OGFOD3: variants seen among roughly 807,000 people sequenced by gnomAD.
OGFOD3 encodes 2-oxoglutarate and iron dependent oxygenase domain containing 3.
OGFOD3 carries 35 observed loss-of-function variants against 39.8 expected under a neutral mutation model. That is an observed-to-expected ratio of 0.88 (90% confidence interval 0.67 to 1.17). OGFOD3 has a LOEUF of 1.17. OGFOD3 is among the 50% of genes most tolerant of loss of function. The pLI, the probability that OGFOD3 is intolerant of heterozygous loss-of-function variation, is 0.00. For synonymous variants in OGFOD3, 200 were observed against 192.0 expected, an observed-to-expected ratio of 1.04 and a Z score of -0.34; for missense variants, 438 against 454.5, an observed-to-expected ratio of 0.96 and a Z score of 0.33.
At chr17:82,410,879 C>T (rs866674428) in intron 3 of OGFOD3, among the ~76,000 whole-genome samples, 5 of 151,206 alleles carry the variant, frequency 3.3e-5, no homozygotes, top group Admixed American at 2.6e-4. Context: ...CCATCACACT[C>T]GGCTAATTTT....
In OGFOD3 at chr17:82,398,315, G is replaced by C. The variant is rs1399820894; in HGVS notation, c.704C>G (p.Thr235Ser). The change falls in exon 8 of 9, where the codon ACC (threonine) becomes AGC (serine). Residue 235 changes from threonine to serine, a missense_variant. By Grantham distance (58) the Thr-to-Ser change is moderately conservative (BLOSUM62 1). Coordinates refer to ENST00000313056, the MANE Select transcript of OGFOD3 (RefSeq NM_024648.3). Reference sequence around the variant, plus strand: ...CGAGGTGTAGTCGAAGGAGCCGTAGGTCACCTGAGGGCAGAGCCGGGAGGA... The same window carrying C: ...CGAGGTGTAGTCGAAGGAGCCGTAGCTCACCTGAGGGCAGAGCCGGGAGGA... ...EYWHAHVDKVTYGSFDYTSLL... is the reference protein window; with the variant it reads ...EYWHAHVDKVSYGSFDYTSLL... The C allele has an allele frequency of 6.2e-7, 1 of 1,614,120 alleles. No homozygotes were observed. The highest frequency in any genetic ancestry group is 2.2e-5 in the East Asian group (1 of 44,890).
rs1431663183 is a variant in OGFOD3 at position 82,404,972 on chromosome 17, C to T, written c.545+352G>A. On this transcript the variant is annotated intron_variant, in intron 6 of 8. Coordinates refer to ENST00000313056, the MANE Select transcript of OGFOD3 (RefSeq NM_024648.3). This position sits in a 1 kb window ranked among gnomAD's most constrained non-coding sequence, Gnocchi z 4.5. ...GCTAGGCTGGTCTCGAACTCCTGAC[C>T]TCAGGTGATCCACCCGCCTCGCCTC... Among the ~76,000 whole-genome samples, 1 of 152,152 alleles carries T rather than the reference C, an allele frequency of 6.6e-6. No individual in the cohort carries two copies. The highest frequency in any genetic ancestry group is 1.5e-5 in the Non-Finnish European group (1 of 68,030).
Position 82,390,681 on chromosome 17 carries a change from G to T in OGFOD3, c.*1717C>A, listed in dbSNP as rs2052588591. ...GCATGTGGCCCGTGGTGCAGGAGGG[G>T]CCCTGGGCAAACCAAGGTGCGGCCC... On this transcript the variant is annotated 3_prime_UTR_variant, in exon 9 of 9. Coordinates refer to ENST00000313056, the MANE Select transcript of OGFOD3 (RefSeq NM_024648.3). This position sits in a 1 kb window ranked among gnomAD's most constrained non-coding sequence, Gnocchi z 4.9. 5.0e-6 allele frequency: 1 copy of T among 199,894 alleles called. No individual in the cohort carries two copies. The highest frequency in any genetic ancestry group is 2.4e-5 in the African/African-American group (1 of 41,708). The allele number at this position is 199,894 out of a possible 1,614,324, so 12.4% of individuals were successfully genotyped here.
intron 8 of OGFOD3, chr17:82,394,435 T>G (rs750509197): frequency 1.9e-6 from 3 of 1,613,544 alleles, no homozygotes; most frequent in Non-Finnish European, 2.5e-6. Flanking sequence ...GGGCGGGTGG[T>G]GAGTCCCCGG....
In OGFOD3 at chr17:82,411,530, C is replaced by A. The variant is rs771274532; in HGVS notation, c.305G>T (p.Gly102Val). Residue 102 changes from glycine (G) to valine (V), a missense_variant and splice_region_variant, in exon 3 of 9, where the codon GGC becomes GTC. Transcript: ENST00000313056. ...EDYDSHRRFE[G>V]CTPRKCGRGV... ...TCTGCCGCACTTTCGGGGAGTGCAG[C>A]CTGTGAAGGGACAGCCAGGGTGAGA... is the stretch of plus-strand genomic sequence containing the variant. 1.9e-6 allele frequency: 3 copies of A among 1,613,844 alleles called. No homozygotes were observed. In the African/African-American group the frequency reaches 4.0e-5, roughly 22 times the overall value.
intron 5 of OGFOD3, among the ~76,000 whole-genome samples, 200 bp from the exon 6 acceptor site, chr17:82,405,580 C>T (rs1027427967): frequency 4.6e-5 from 7 of 152,166 alleles, no homozygotes; most frequent in Non-Finnish European, 1.0e-4. Flanking sequence ...TCTGGGAGGC[C>T]GAGGCAGGTG....
chr17:82,414,285 C>T lies in OGFOD3; in HGVS notation c.304+1113G>A, dbSNP rs955716793. Among the ~76,000 whole-genome samples, 4 of 152,184 alleles carry T rather than the reference C, an allele frequency of 2.6e-5. No homozygotes were observed. The South Asian group carries it at 8.3e-4, about 32-fold the overall frequency. On this transcript the variant is annotated intron_variant, in intron 2 of 8. Coordinates refer to ENST00000313056, the MANE Select transcript of OGFOD3 (RefSeq NM_024648.3). ...CTGCCTCCTGAGCTGGGGTTACAGG[C>T]GTGCACCACCACACCTGGCCCATTT...
intron 2 of OGFOD3, among the ~76,000 whole-genome samples, chr17:82,414,232 C>A (rs1196829424): frequency 2.6e-5 from 4 of 152,172 alleles, no homozygotes; most frequent in Non-Finnish European, 5.9e-5. Context: ...ACCTCCCAAC[C>A]TCCTGGGTTC....
rs758717901 is a variant in OGFOD3 at position 82,404,631 on chromosome 17, G to C, written c.546-541C>G. On this transcript the variant is annotated intron_variant, in intron 6 of 8. Transcript: ENST00000313056. The surrounding 1 kb of genome is among the most constrained non-coding windows in gnomAD (Gnocchi z 4.5). ...TGTCTGGGTGGGCATGGGCCCATGT[G>C]GGGGGCTCGAGGGGGGTCACTCATG... Among the ~76,000 whole-genome samples the C allele has an allele frequency of 5.9e-5, 9 of 152,102 alleles. No homozygotes were observed. Among genetic ancestry groups the C allele is most frequent in the East Asian group, 1.9e-4 (1 of 5,194 alleles).
At chr17:82,401,816 A>AAAAAAAAAAAAAAAAAAAAAAC (rs2052770443) in intron 7 of OGFOD3, among the ~76,000 whole-genome samples, 1 of 149,818 alleles carries the variant, frequency 6.7e-6, no homozygotes, top group South Asian at 2.1e-4. Flanking sequence ...AAAAAAAAAA[A>AAAAAAAAAAAAAAAAAAAAAAC]AAAAAAACAA....
chr17:82,401,940 T>C (rs942947884), intron 7 of OGFOD3, among the ~76,000 whole-genome samples: 1 of 151,978 alleles, frequency 6.6e-6, no homozygotes, highest in Admixed American at 6.6e-5. Flanking sequence ...GCAAGAGTCC[T>C]AATCTCCCCA....
chr17:82,416,422 G>A (rs998944313), intron 1 of OGFOD3, among the ~76,000 whole-genome samples: 5 of 151,068 alleles, frequency 3.3e-5, no homozygotes, highest in Admixed American at 1.3e-4. Context: ...ACTAAGGACG[G>A]GGGCCACTGG....
chr17:82,390,934 T>C lies in OGFOD3; in HGVS notation c.*1464A>G, dbSNP rs1466337806. 1.4e-5 allele frequency: 3 copies of C among 208,408 alleles called. No individual in the cohort carries two copies. In the East Asian group the frequency reaches 5.3e-4, roughly 37 times the overall value. The allele number at this position is 208,408 out of a possible 1,614,324, so 12.9% of individuals were successfully genotyped here. A position where few individuals can be genotyped will look rare whatever the true frequency, so the allele number is the denominator to read the frequency against. ...CCTCAGCTGGCCTCACGCCCGCTCC[T>C]TCCCAGGACCCAATAATGCTGCCCT... On this transcript the variant is annotated 3_prime_UTR_variant, in exon 9 of 9. Transcript: ENST00000313056. The surrounding 1 kb of genome is among the most constrained non-coding windows in gnomAD (Gnocchi z 4.9).
intron 2 of OGFOD3, among the ~76,000 whole-genome samples, chr17:82,414,547 T>C (rs1254745201): frequency 3.3e-5 from 5 of 152,240 alleles, no homozygotes; most frequent in Non-Finnish European, 7.3e-5. Context: ...GAGAGAGAAC[T>C]TCTGCTAAGA....
chr17:82,397,277 G>A (rs7502264), intron 8 of OGFOD3, among the ~76,000 whole-genome samples: 79,116 of 151,114 alleles, frequency 0.52, 21,060 homozygotes, highest in South Asian at 0.7. Flanking sequence ...CGTGCTGAGA[G>A]GCCACCCCAC....
intron 7 of OGFOD3, among the ~76,000 whole-genome samples, chr17:82,399,881 C>T (rs988421801): frequency 2.0e-5 from 3 of 152,192 alleles, no homozygotes; most frequent in African/African-American, 7.2e-5. Context: ...TAAGCACACC[C>T]AGACCAGGGA....
At chr17:82,412,324 G>A (rs1318756172) in intron 2 of OGFOD3, among the ~76,000 whole-genome samples, 1 of 133,220 alleles carries the variant, frequency 7.5e-6, no homozygotes, top group African/African-American at 2.8e-5. Context: ...CACGGTCGGG[G>A]CAGGGGCATG....
chr17:82,405,497 T>A, intron 5 of OGFOD3, 117 bp from the exon 6 acceptor site: 1 of 851,768 alleles, frequency 1.2e-6, no homozygotes, highest in Non-Finnish European at 2.0e-6. Context: ...TCAGAGCAAC[T>A]CCATTTCCAC....
rs2052822157 is a variant in OGFOD3, at chr17:82,404,505, G to A, written c.546-415C>T. Reference sequence around the variant, plus strand: ...TGTGGACGTGGGGAGAGGGGAGTGGGTGTCGAGCCTGCTAAGTGTGGATGG... The same window carrying A: ...TGTGGACGTGGGGAGAGGGGAGTGGATGTCGAGCCTGCTAAGTGTGGATGG... On this transcript the variant is annotated intron_variant, in intron 6 of 8. Coordinates refer to ENST00000313056, the MANE Select transcript of OGFOD3 (RefSeq NM_024648.3). The surrounding 1 kb of genome is among the most constrained non-coding windows in gnomAD (Gnocchi z 4.5). 6.6e-6 allele frequency among the ~76,000 whole-genome samples: 1 copy of A among 152,206 alleles called. No individual in the cohort carries two copies. Among genetic ancestry groups the A allele is most frequent in the African/African-American group, 2.4e-5 (1 of 41,510 alleles).
Sources: allele counts gnomAD v4.1 joint callset (sites outside exome capture counted in the v4.1 genomes callset), GRCh38; gene constraint gnomAD v4.1.1; non-coding constraint Gnocchi (gnomAD v3.1); transcripts MANE v1.5; gene names NCBI Gene and HGNC (gene_info 2026-07-23, HGNC 2026-07-21).